The following RAB11FIP1 variants were observed in gnomAD, a reference collection of about 807,000 sequenced individuals.
The protein encoded by RAB11FIP1 is RAB11 family interacting protein 1.
In RAB11FIP1, 49 loss-of-function variants were observed where a neutral mutation model predicts 83.1. The ratio of observed to expected loss-of-function variants is 0.59; its 90% CI spans 0.47 to 0.75. RAB11FIP1 has a LOEUF of 0.75. RAB11FIP1 is among the 30% of genes least tolerant of loss of function. The probability of loss-of-function intolerance (pLI) is 0.00; values close to 1 mark genes in which losing one functional copy is unlikely to be tolerated. For missense variants in RAB11FIP1, 1,536 were observed against 1,598.7 expected (o/e 0.96, Z 0.67); for synonymous variants, 670 against 656.0 (o/e 1.02, Z -0.33).
intron 1 of RAB11FIP1, among the ~76,000 whole-genome samples, chr8:37,890,300 T>C (rs1377745796): frequency 1.3e-5 from 2 of 152,264 alleles, no homozygotes; most frequent in African/African-American, 4.8e-5. Flanking sequence ...CCTTAATTGT[T>C]CTACCTAGAC....
In RAB11FIP1 at chr8:37,859,913, A is replaced by G. The variant is rs529717779; in HGVS notation, c.*2982T>C. ...CTCAGAACAGGCTAAAGCTTCTCCCAGATAACCCCTCCCCCAAAACTGAGT... is the reference window on the plus strand; with the variant it reads ...CTCAGAACAGGCTAAAGCTTCTCCCGGATAACCCCTCCCCCAAAACTGAGT... On this transcript the variant is annotated 3_prime_UTR_variant, in exon 6 of 6. Transcript: ENST00000330843. 2.0e-5 allele frequency: 3 copies of G among 152,520 alleles called. No homozygotes were observed. The South Asian group carries it at 6.2e-4, about 32-fold the overall frequency. The allele number at this position is 152,520 out of a possible 1,614,324, so 9.4% of individuals were successfully genotyped here. A position where few individuals can be genotyped will look rare whatever the true frequency, so the allele number is the denominator to read the frequency against.
intron 1 of RAB11FIP1, among the ~76,000 whole-genome samples, chr8:37,892,431 A>G (rs976252859): frequency 1.5e-5 from 2 of 135,354 alleles, no homozygotes; most frequent in African/African-American, 7.0e-5. Context: ...ATTTATATTT[A>G]TTTATTTATT....
intron 2 of RAB11FIP1, among the ~76,000 whole-genome samples, chr8:37,876,487 C>A (rs966420857): frequency 1.3e-5 from 2 of 151,454 alleles, no homozygotes; most frequent in Non-Finnish European, 2.9e-5. Context: ...AGTCCCAGCT[C>A]CTCAGAAGGC....
At chr8:37,884,909 C>T (rs984776500) in intron 1 of RAB11FIP1, among the ~76,000 whole-genome samples, 4 of 152,016 alleles carry the variant, frequency 2.6e-5, no homozygotes, top group African/African-American at 9.7e-5. Flanking sequence ...TCTTAAATTC[C>T]TGGCCACACA....
At chr8:37,893,385 G>A (rs770930536) in intron 1 of RAB11FIP1, among the ~76,000 whole-genome samples, 2 of 152,012 alleles carry the variant, frequency 1.3e-5, no homozygotes, top group African/African-American at 4.8e-5. Context: ...CCCCTACAAG[G>A]CTCTGGGCTT....
At chr8:37,880,197 C>A (rs142062386) in intron 1 of RAB11FIP1, among the ~76,000 whole-genome samples, 1 of 152,116 alleles carries the variant, frequency 6.6e-6, no homozygotes, top group Non-Finnish European at 1.5e-5. Context: ...GTGGCTCACA[C>A]CTGTAATCCC....
In RAB11FIP1 at chr8:37,861,789, A is replaced by C. The variant is rs764479149; in HGVS notation, c.*1106T>G. 3.0e-6 allele frequency: 1 copy of C among 338,240 alleles called. No individual in the cohort carries two copies. Among genetic ancestry groups the C allele is most frequent in the Non-Finnish European group, 5.7e-6 (1 of 174,564 alleles). The allele number at this position is 338,240 out of a possible 1,614,324, so 21.0% of individuals were successfully genotyped here. On this transcript the variant is annotated 3_prime_UTR_variant, in exon 6 of 6. Transcript: ENST00000330843. ...TTTTTAGTAGAGATGGGGTTTCGCCATGTTGGTCAGGCTGGTCTCGAACTC... is the reference window on the plus strand; with the variant it reads ...TTTTTAGTAGAGATGGGGTTTCGCCCTGTTGGTCAGGCTGGTCTCGAACTC...
Position 37,862,896 on chromosome 8 carries a change from T to C in RAB11FIP1, c.3851A>G (p.Ter1284=), listed in dbSNP as rs753046120. 2 of 1,608,262 alleles carry C rather than the reference T, an allele frequency of 1.2e-6. No individual in the cohort carries two copies. The highest frequency in any genetic ancestry group is 3.4e-5 in the Admixed American group (2 of 59,652). Residue 1284 remains the stop codon, a stop_retained_variant, in exon 6 of 6, where the codon TAA becomes TGA. Transcript: ENST00000330843. ...TQVGKKAGKM[*] ...TCTCGGTGTTTTTTTTCTGCTGATT[T>C]ACATCTTTCCTGCTTTTTTGCCAAC...
chr8:37,885,385 C>A (rs2130178832), intron 1 of RAB11FIP1, among the ~76,000 whole-genome samples: 1 of 152,256 alleles, frequency 6.6e-6, no homozygotes, highest in East Asian at 1.9e-4. Flanking sequence ...TCTTCCCACC[C>A]CTCCTGATCC....
intron 1 of RAB11FIP1, among the ~76,000 whole-genome samples, chr8:37,897,358 T>C (rs1807109575): frequency 6.6e-6 from 1 of 151,378 alleles, no homozygotes; most frequent in Non-Finnish European, 1.5e-5. Flanking sequence ...AGGCTATGTA[T>C]ATCTAAAACA....
chr8:37,873,005 T>TGA lies in RAB11FIP1; in HGVS notation c.1795_1796dup (p.Ser600HisfsTer4), dbSNP rs746190571. 48 of 1,613,818 alleles carry TGA rather than the reference T, an allele frequency of 3.0e-5. 1 individual carries two copies. The African/African-American group carries it at 6.1e-4, about 21-fold the overall frequency. On this transcript the variant is annotated frameshift_variant, in exon 4 of 6. Coordinates refer to ENST00000330843, the MANE Select transcript of RAB11FIP1 (RefSeq NM_001002814.3). LOFTEE classifies it high-confidence loss of function. ...TGGAAATGGGAGCTGCTATGGGAGA[T>TGA]GAGAGAGAGGAGAAGACAGAAGGAC... is the stretch of plus-strand genomic sequence containing the variant.
chr8:37,871,387 C>T lies in RAB11FIP1; in HGVS notation c.3415G>A (p.Val1139Ile), dbSNP rs1241799623. Reference sequence around the variant, plus strand: ...GGCTTCCTCTTGCCAAAATTTTCAACTCTACCAGCGGAGCCCTCTGCTGTG... The same window carrying T: ...GGCTTCCTCTTGCCAAAATTTTCAATTCTACCAGCGGAGCCCTCTGCTGTG... ...KATAEGSAGR[V>I]ENFGKRKPLL... The change falls in exon 4 of 6, where the codon GTT becomes ATT. Residue 1139 changes from valine to isoleucine, a missense_variant. Val to Ile is a conservative substitution (Grantham distance 29, BLOSUM62 3). Transcript: ENST00000330843. 6.2e-7 allele frequency: 1 copy of T among 1,614,234 alleles called. No individual in the cohort carries two copies. Among genetic ancestry groups the T allele is most frequent in the Non-Finnish European group, 8.5e-7 (1 of 1,180,034 alleles).
In RAB11FIP1 at chr8:37,874,615, C is replaced by A. The variant is rs1215607586; in HGVS notation, c.1522G>T (p.Val508Leu). Residue 508 changes from valine (V) to leucine (L), a missense_variant, in exon 3 of 6, where the codon GTG becomes TTG. Physicochemically the swap from Val to Leu is conservative, Grantham distance 32. Coordinates refer to ENST00000330843, the MANE Select transcript of RAB11FIP1 (RefSeq NM_001002814.3). Reference protein sequence around the residue: ...QGSSLNLFEDVQITEPEAEPE... With the variant: ...QGSSLNLFEDLQITEPEAEPE... ...TCAGCTTCTGGTTCTGTGATCTGCACATCTTCAAAGAGGTTCAGGGAGCTG... is the reference window on the plus strand; with the variant it reads ...TCAGCTTCTGGTTCTGTGATCTGCAAATCTTCAAAGAGGTTCAGGGAGCTG... The A allele has an allele frequency of 6.2e-7, 1 of 1,614,210 alleles. No homozygotes were observed. The highest frequency in any genetic ancestry group is 2.2e-5 in the East Asian group (1 of 44,892).
Position 37,861,153 on chromosome 8 carries a change from G to A in RAB11FIP1, c.*1742C>T, listed in dbSNP as rs1806224534. The A allele has an allele frequency of 6.5e-6, 1 of 152,698 alleles. No individual in the cohort carries two copies. The highest frequency in any genetic ancestry group is 6.5e-5 in the Admixed American group (1 of 15,384). 9.5% of individuals were successfully genotyped at this position (152,698 alleles called of 1,614,324 possible). On this transcript the variant is annotated 3_prime_UTR_variant, in exon 6 of 6. Coordinates refer to ENST00000330843, the MANE Select transcript of RAB11FIP1 (RefSeq NM_001002814.3). The stretch of plus-strand genomic sequence containing the variant: ...CAAAATTACCTGAAAAATCTCAGCT[G>A]GTGCTTTTAGCTAAGAAGGAAGCAA...
At chr8:37,865,703 A>AT (rs1260770062) in intron 5 of RAB11FIP1, among the ~76,000 whole-genome samples, 1 of 152,182 alleles carries the variant, frequency 6.6e-6, no homozygotes, top group Non-Finnish European at 1.5e-5. Flanking sequence ...TTTAATAAGC[A>AT]TTTTTTCCAT....
chr8:37,895,255 A>G (rs1487423458), intron 1 of RAB11FIP1, among the ~76,000 whole-genome samples: 2 of 12,680 alleles, frequency 1.6e-4, no homozygotes, highest in African/African-American at 7.9e-4. Flanking sequence ...ATATATATAT[A>G]TATATTTTTT....
In RAB11FIP1 at chr8:37,871,316, T is replaced by C. The variant is rs201849449; in HGVS notation, c.3486A>G (p.Ser1162=). The stretch of plus-strand genomic sequence containing the variant: ...ACCCAGTTCCAGCGCCTGGCTGAGC[T>C]GAGACTGGATGTGTCTCCGAGGGTG... ...WVSPSETHPV[S]AQPGAGTGSA... Residue 1162 remains serine, a synonymous_variant, in exon 4 of 6, where the codon TCA becomes TCG. Transcript: ENST00000330843. The C allele has an allele frequency of 2.7e-4, 440 of 1,613,366 alleles. 8 individuals are homozygous for C. In the South Asian group the frequency reaches 4.4e-3, roughly 16 times the overall value.
At chr8:37,892,314 A>C (rs1378514299) in intron 1 of RAB11FIP1, among the ~76,000 whole-genome samples, 1 of 151,970 alleles carries the variant, frequency 6.6e-6, no homozygotes, top group Non-Finnish European at 1.5e-5. Context: ...ACAGCCTCCC[A>C]TTTTGTCTGT....
At chr8:37,886,033 C>T (rs1368179767) in intron 1 of RAB11FIP1, among the ~76,000 whole-genome samples, 1 of 152,216 alleles carries the variant, frequency 6.6e-6, no homozygotes, top group African/African-American at 2.4e-5. Flanking sequence ...AATAATCTTT[C>T]TGCAGCTGAA....
Sources: allele counts gnomAD v4.1 joint callset (sites outside exome capture counted in the v4.1 genomes callset), GRCh38; gene constraint gnomAD v4.1.1; transcripts MANE v1.5; gene names NCBI Gene and HGNC (gene_info 2026-07-23, HGNC 2026-07-21).